Variants in SYTL5 observed in about 807,000 individuals in gnomAD.
The protein encoded by SYTL5 is synaptotagmin-like protein 5.
SYTL5 carries 34 observed loss-of-function variants against 55.9 expected under a neutral mutation model. That is an observed-to-expected ratio of 0.61 (90% CI 0.46 to 0.81). The LOEUF is 0.81. Among genes scored for constraint, SYTL5 ranks in the 30% least tolerant of loss-of-function variants. The pLI is 0.00. For missense variants in SYTL5, 637 were observed against 546.7 expected (o/e 1.17, Z -1.65); for synonymous variants, 221 against 188.7 (o/e 1.17, Z -1.40).
chrX:38,033,957 G>A lies in SYTL5; in HGVS notation c.68G>A (p.Gly23Asp), dbSNP rs995949960. The A allele has an allele frequency of 4.2e-6, 5 of 1,197,270 alleles. No homozygotes were observed. In the African/African-American group the frequency reaches 8.8e-5, roughly 21 times the overall value. The change falls in exon 2 of 17, where the codon GGC becomes GAC. Residue 23 changes from glycine (G) to aspartate (D), a missense_variant. Coordinates refer to ENST00000297875, the MANE Select transcript of SYTL5 (RefSeq NM_138780.3). The part of the protein sequence containing the change: ...LLDHEKEMIL[G>D]VLKRDEYLKK... ...GATCATGAGAAGGAAATGATCCTGG[G>A]CGTCCTAAAGAGAGATGAATATTTG...
chrX:37,997,436 C>G, the SYTL5 span, among the ~76,000 whole-genome samples: 4 of 112,491 alleles, frequency 3.6e-5, no homozygotes, highest in African/African-American at 9.7e-5. Context: ...TCCCTACCCT[C>G]TTGGAAATGT....
chrX:37,965,813 G>A, the SYTL5 span, among the ~76,000 whole-genome samples: 1 of 112,165 alleles, frequency 8.9e-6, no homozygotes, highest in Non-Finnish European at 1.9e-5. Context: ...TATATTTATA[G>A]TTATATATTT....
At chrX:38,113,236 G>C (rs768009859) in intron 13 of SYTL5, among the ~76,000 whole-genome samples, 80 of 112,050 alleles carry the variant, frequency 7.1e-4, no homozygotes, top group Non-Finnish European at 3.4e-4. Flanking sequence ...AGTTAGACAA[G>C]GTTTTATCAG....
intron 3 of SYTL5, among the ~76,000 whole-genome samples, chrX:38,060,508 A>G (rs1159987480): frequency 8.9e-6 from 1 of 111,919 alleles, no homozygotes; most frequent in Non-Finnish European, 1.9e-5. Context: ...AATAATGTCT[A>G]TAGTAGGTAC....
At chrX:38,068,884 C>A (rs974219372) in intron 3 of SYTL5, among the ~76,000 whole-genome samples, 1 of 111,577 alleles carries the variant, frequency 9.0e-6, no homozygotes, top group Admixed American at 9.5e-5. Context: ...ACCCACGTAA[C>A]AAACCTGTAC....
upstream of SYTL5, among the ~76,000 whole-genome samples, chrX:38,005,307 G>A (rs1036749078): frequency 9.0e-6 from 1 of 111,369 alleles, no homozygotes; most frequent in African/African-American, 3.3e-5. Context: ...TGTCCAATAT[G>A]CAATAAAAAA....
chrX:37,994,222 T>C, the SYTL5 span: 1 of 112,342 alleles, frequency 8.9e-6, no homozygotes, highest in Non-Finnish European at 1.9e-5. Flanking sequence ...GGCAACTCCC[T>C]GACCAATGAG....
At chrX:38,078,555 C>A (rs766378692) in intron 6 of SYTL5, among the ~76,000 whole-genome samples, 5 of 110,827 alleles carry the variant, frequency 4.5e-5, no homozygotes, top group Non-Finnish European at 9.4e-5. Context: ...CCACCGCACC[C>A]GGCCAATGTT....
At chrX:38,125,881 A>G (rs1937633948) in intron 16 of SYTL5, among the ~76,000 whole-genome samples, 1 of 111,857 alleles carries the variant, frequency 8.9e-6, no homozygotes, top group Non-Finnish European at 1.9e-5. Flanking sequence ...TTCAAGACCA[A>G]CATTACTTCA....
chrX:37,957,979 C>A, the SYTL5 span, among the ~76,000 whole-genome samples: 1 of 111,794 alleles, frequency 8.9e-6, no homozygotes, highest in Non-Finnish European at 1.9e-5. Context: ...GAGGCCAATG[C>A]AGGCAGATCA....
At chrX:37,908,557 C>A in the SYTL5 span, among the ~76,000 whole-genome samples, 2 of 111,536 alleles carry the variant, frequency 1.8e-5, no homozygotes, top group African/African-American at 6.5e-5. Flanking sequence ...GAAAATAAGT[C>A]TTTTTGAACC....
the SYTL5 span, among the ~76,000 whole-genome samples, chrX:37,947,836 C>G: frequency 9.0e-6 from 1 of 111,534 alleles, no homozygotes; most frequent in African/African-American, 3.3e-5. Context: ...TAATAGCCAC[C>G]TTGAAGGATT....
chrX:37,995,077 C>T, the SYTL5 span, among the ~76,000 whole-genome samples: 6 of 109,947 alleles, frequency 5.5e-5, no homozygotes, highest in African/African-American at 1.3e-4. Flanking sequence ...GTGAGGGTGC[C>T]GGCCCTGTGG....
At chrX:38,105,306 C>T (rs1937179878) in intron 10 of SYTL5, among the ~76,000 whole-genome samples, 1 of 112,976 alleles carries the variant, frequency 8.9e-6, no homozygotes, top group Admixed American at 9.3e-5. Context: ...ACCGGCACCC[C>T]TGACACAGCC....
chrX:38,007,544 T>C (rs1217715534), intron 1 of SYTL5, among the ~76,000 whole-genome samples: 2 of 111,873 alleles, frequency 1.8e-5, no homozygotes, highest in African/African-American at 6.5e-5. Context: ...TAAAATATTG[T>C]TTACATGTAA....
At chrX:37,949,501 A>G in the SYTL5 span, 1 of 112,032 alleles carries the variant, frequency 8.9e-6, no homozygotes, top group Non-Finnish European at 1.9e-5. Flanking sequence ...CTCATTGATT[A>G]AATCTGGAAA....
At chrX:38,095,254 T>G (rs1936901470) in intron 8 of SYTL5, among the ~76,000 whole-genome samples, 1 of 111,998 alleles carries the variant, frequency 8.9e-6, no homozygotes, top group Non-Finnish European at 1.9e-5. Flanking sequence ...TTAATTAAAT[T>G]TTTAAACTAG....
At chrX:38,064,387 T>G (rs1371598008) in intron 3 of SYTL5, among the ~76,000 whole-genome samples, 1 of 111,789 alleles carries the variant, frequency 8.9e-6, no homozygotes, top group East Asian at 2.8e-4. Context: ...CCGATAGATA[T>G]AAAGGAATAT....
At chrX:37,898,966 C>G in the SYTL5 span, among the ~76,000 whole-genome samples, 3 of 111,609 alleles carry the variant, frequency 2.7e-5, no homozygotes, top group Non-Finnish European at 5.6e-5. Flanking sequence ...TTAGTAGGTA[C>G]TTAAAAATAC....
Sources: allele counts gnomAD v4.1 joint callset (sites outside exome capture counted in the v4.1 genomes callset), GRCh38; gene constraint gnomAD v4.1.1; transcripts MANE v1.5; gene names NCBI Gene and HGNC (gene_info 2026-07-23, HGNC 2026-07-21).